The following MEF2C variants were observed in gnomAD, a reference collection of about 807,000 sequenced individuals.
MEF2C encodes myocyte enhancer factor 2C.
A neutral mutation model predicts 50.5 loss-of-function variants in MEF2C; 6 were observed. That is an observed-to-expected ratio of 0.12 (90% CI 0.07 to 0.23). MEF2C has a LOEUF of 0.23. Ranked by LOEUF, MEF2C falls within the 10% of genes least tolerant of loss-of-function variation. The probability of loss-of-function intolerance (pLI) is 1.00; values close to 1 mark genes in which losing one functional copy is unlikely to be tolerated. For synonymous variants in MEF2C, 183 were observed against 228.0 expected, an observed-to-expected ratio of 0.80 and a Z score of 1.78; for missense variants, 276 against 605.0, an observed-to-expected ratio of 0.46 and a Z score of 5.70.
intron 3 of MEF2C, among the ~76,000 whole-genome samples, chr5:88,790,675 TGAAA>T (rs1462842125): frequency 1.3e-5 from 2 of 152,128 alleles, no homozygotes; most frequent in Non-Finnish European, 2.9e-5. Context: ...CTAGCTGACT[TGAAA>T]GATTCTCACT....
At chr5:88,820,182 AC>A (rs1807583123) in intron 2 of MEF2C, among the ~76,000 whole-genome samples, 1 of 151,978 alleles carries the variant, frequency 6.6e-6, no homozygotes, top group African/African-American at 2.4e-5. Flanking sequence ...ATTTTTACAT[AC>A]TTGCTTAAGA....
rs575530144 is a variant in MEF2C, at chr5:88,720,780, A to C, written c.*1824T>G. On this transcript the variant is annotated 3_prime_UTR_variant, in exon 11 of 11. Coordinates refer to ENST00000504921, the MANE Select transcript of MEF2C (RefSeq NM_002397.5). ...AATCCCTTATAGACGAATATTAGAC[A>C]AGAGTCATTTTTTTTAAATTAAAAA... 4 of 125,908 alleles carry C rather than the reference A, an allele frequency of 3.2e-5. No homozygotes were observed. In the South Asian group the frequency reaches 8.2e-4, roughly 26 times the overall value. The allele number at this position is 125,908 out of a possible 1,614,324, so 7.8% of individuals were successfully genotyped here.
chr5:88,779,088 AG>A lies in MEF2C; in HGVS notation c.259-17761del, dbSNP rs1580540978. Among the ~76,000 whole-genome samples the A allele has an allele frequency of 1.6e-4, 24 of 152,356 alleles. No individual in the cohort carries two copies. In the East Asian group the frequency reaches 4.6e-3, roughly 29 times the overall value. ...ATAAAGTTGTATAACTTTTAAAAGA[AG>A]TTTACAATTATGATGCTTTGCTTTT... is the stretch of plus-strand genomic sequence containing the variant. On this transcript the variant is annotated intron_variant, in intron 3 of 10. Transcript: ENST00000504921.
intron 1 of MEF2C, among the ~76,000 whole-genome samples, chr5:88,849,372 C>T (rs1486423147): frequency 6.6e-6 from 1 of 151,886 alleles, no homozygotes; most frequent in Non-Finnish European, 1.5e-5. Flanking sequence ...CTTTGTCCTG[C>T]AAAGATTGCA....
intron 1 of MEF2C, chr5:88,843,338 A>T (rs1818091716): frequency 1.0e-6 from 1 of 984,086 alleles, no homozygotes; most frequent in Non-Finnish European, 1.2e-6. Context: ...TGTGTTATTT[A>T]AATTTGGTTC....
chr5:88,899,101 C>T (rs1277286637), intron 1 of MEF2C, among the ~76,000 whole-genome samples: 1 of 152,084 alleles, frequency 6.6e-6, no homozygotes, highest in East Asian at 1.9e-4. Flanking sequence ...CCTTATAGTG[C>T]ATACTGAAAA....
intron 1 of MEF2C, among the ~76,000 whole-genome samples, chr5:88,898,983 C>CT (rs1246241409): frequency 9.9e-5 from 15 of 152,094 alleles, no homozygotes; most frequent in Non-Finnish European, 1.6e-4. Flanking sequence ...ATCATGCTGG[C>CT]TTACAGCATT....
In MEF2C at chr5:88,750,384, T is replaced by A. The variant is rs1772145646; in HGVS notation, c.590-1267A>T. Among the ~76,000 whole-genome samples, 3 of 151,362 alleles carry A rather than the reference T, an allele frequency of 2.0e-5. No homozygotes were observed. The South Asian group carries it at 6.3e-4, about 32-fold the overall frequency. On this transcript the variant is annotated intron_variant, in intron 5 of 10. Transcript: ENST00000504921. ...GTACCTAGTTAATTTAAAAAAAAAA[T>A]GTTTGTAGAGATGGGGTTTCTCTAT...
intron 4 of MEF2C, among the ~76,000 whole-genome samples, chr5:88,755,948 G>A (rs935562278): frequency 2.6e-5 from 4 of 152,226 alleles, no homozygotes; most frequent in Admixed American, 6.5e-5. Context: ...TTATCCCCAA[G>A]AATTAATTCT....
Position 88,721,579 on chromosome 5 carries a change from CATA to C in MEF2C, c.*1022_*1024del, listed in dbSNP as rs768043719. 1 of 152,510 alleles carries C rather than the reference CATA, an allele frequency of 6.6e-6. No individual in the cohort carries two copies. Among genetic ancestry groups the C allele is most frequent in the Non-Finnish European group, 1.5e-5 (1 of 68,034 alleles). 9.4% of individuals were successfully genotyped at this position (152,510 alleles called of 1,614,324 possible). A position where few individuals can be genotyped will look rare whatever the true frequency, so the allele number is the denominator to read the frequency against. On this transcript the variant is annotated 3_prime_UTR_variant, in exon 11 of 11. Transcript: ENST00000504921. Reference sequence around the variant, plus strand: ...AAGATAACAAAACTTCTGCTATTACCATAATATTATATATATTAGAAAGCTATA... The same window carrying C: ...AAGATAACAAAACTTCTGCTATTACCATATTATATATATTAGAAAGCTATA...
chr5:88,903,272 G>A (rs2604445), intron 1 of MEF2C, among the ~76,000 whole-genome samples: 880 of 109,998 alleles, frequency 8.0e-3, no homozygotes, highest in East Asian at 0.016. Flanking sequence ...CTCAAAAGAC[G>A]CTCTTTGTAA....
At chr5:88,903,081 A>T (rs75869873) in intron 1 of MEF2C, among the ~76,000 whole-genome samples, 2 of 152,044 alleles carry the variant, frequency 1.3e-5, no homozygotes, top group Non-Finnish European at 2.9e-5. Context: ...ATGTCCTAAC[A>T]TGTGGTCTCA....
chr5:88,734,083 A>G (rs1762822639), intron 6 of MEF2C: 4 of 985,192 alleles, frequency 4.1e-6, no homozygotes, highest in South Asian at 4.7e-5. Flanking sequence ...GCTTGACAAA[A>G]TGGAGTGCTT....
intron 2 of MEF2C, among the ~76,000 whole-genome samples, chr5:88,813,418 C>T (rs1220659992): frequency 6.6e-6 from 1 of 152,008 alleles, no homozygotes; most frequent in Non-Finnish European, 1.5e-5. Flanking sequence ...AAGGGCATTT[C>T]ATAATCTTTC....
intron 6 of MEF2C, chr5:88,736,030 G>T: frequency 1.3e-5 from 13 of 985,292 alleles, no homozygotes; most frequent in Non-Finnish European, 1.4e-5. Flanking sequence ...TCTGCCATTG[G>T]CATAACCATT....
intron 1 of MEF2C, among the ~76,000 whole-genome samples, chr5:88,854,439 T>A (rs768375195): frequency 2.6e-5 from 4 of 152,196 alleles, no homozygotes; most frequent in Non-Finnish European, 5.9e-5. Flanking sequence ...TTAACTTTAG[T>A]ACAATGTAGA....
At chr5:88,764,591 C>T (rs575395285) in intron 3 of MEF2C, among the ~76,000 whole-genome samples, 3 of 152,074 alleles carry the variant, frequency 2.0e-5, no homozygotes, top group African/African-American at 4.8e-5. Flanking sequence ...AGGCCGATCA[C>T]GAGGTCAGGA....
intron 3 of MEF2C, among the ~76,000 whole-genome samples, chr5:88,764,061 A>T (rs1430040102): frequency 6.6e-6 from 1 of 152,158 alleles, no homozygotes. Flanking sequence ...TAACCAATAA[A>T]TCTTATTGTA....
chr5:88,734,261 A>G (rs372875395), intron 6 of MEF2C: 1 of 985,304 alleles, frequency 1.0e-6, no homozygotes, highest in Non-Finnish European at 1.2e-6. Flanking sequence ...CACTGAAGAC[A>G]TATGTCACTT....
Sources: gnomAD v4.1 joint callset for allele counts (sites outside exome capture counted in the v4.1 genomes callset) on GRCh38, gnomAD v4.1.1 for gene constraint, MANE v1.5 for transcripts, NCBI Gene and HGNC (gene_info 2026-07-23, HGNC 2026-07-21) for gene names.